SIAH1: variants seen among roughly 807,000 people sequenced by gnomAD.
SIAH1 encodes siah E3 ubiquitin protein ligase 1, also known as E3 ubiquitin-protein ligase SIAH1.
SIAH1 carries 2 observed loss-of-function variants against 20.0 expected under a neutral mutation model. That is an observed-to-expected ratio of 0.10 (90% confidence interval 0.04 to 0.31). The LOEUF (loss-of-function observed/expected upper bound fraction) is 0.31. Ranked by LOEUF, SIAH1 falls within the 10% of genes least tolerant of loss-of-function variation. The pLI is 1.00. For synonymous variants in SIAH1, 118 were observed against 125.3 expected (o/e 0.94, Z 0.39); for missense variants, 119 against 355.3 (o/e 0.33, Z 5.35).
chr16:48,386,376 G>A (rs146518981), upstream of SIAH1, among the ~76,000 whole-genome samples: 292 of 152,160 alleles, frequency 1.9e-3, 1 homozygote, highest in African/African-American at 6.7e-3. Context: ...GCGTGGTGGT[G>A]CACGCCTGTA....
Position 48,385,226 on chromosome 16 carries a change from G to A in SIAH1, c.-25C>T, listed in dbSNP as rs1278075721. ...TACCTGTGGGCGGAGAGCGCGCCTCGGACCCCGGTCCTGGCACCAACGCGC... is the reference window on the plus strand; with the variant it reads ...TACCTGTGGGCGGAGAGCGCGCCTCAGACCCCGGTCCTGGCACCAACGCGC... On this transcript the variant is annotated 5_prime_UTR_variant, in exon 1 of 2. Transcript: ENST00000394725. The A allele has an allele frequency of 3.1e-6, 1 of 326,740 alleles. No homozygotes were observed. The highest frequency in any genetic ancestry group is 2.0e-5 in the South Asian group (1 of 48,876). 20.2% of individuals were successfully genotyped at this position (326,740 alleles called of 1,614,324 possible).
At chr16:48,378,840 T>C (rs1187287490) in intron 1 of SIAH1, among the ~76,000 whole-genome samples, 1 of 152,218 alleles carries the variant, frequency 6.6e-6, no homozygotes, top group African/African-American at 2.4e-5. Flanking sequence ...TCTGGCTGCA[T>C]CTTCCATCTA....
chr16:48,361,484 C>T lies in SIAH1; in HGVS notation c.*96G>A. On this transcript the variant is annotated 3_prime_UTR_variant, in exon 2 of 2. Transcript: ENST00000394725. Reference sequence around the variant, plus strand: ...TTACCTTCATGTGTCTAGCTTCCACCTACCGAAAGAGTTTTAGGTTGGCAG... The same window carrying T: ...TTACCTTCATGTGTCTAGCTTCCACTTACCGAAAGAGTTTTAGGTTGGCAG... 8.0e-7 allele frequency: 1 copy of T among 1,256,852 alleles called. No individual in the cohort carries two copies. Among genetic ancestry groups the T allele is most frequent in the Non-Finnish European group, 1.1e-6 (1 of 873,388 alleles). 77.9% of individuals were successfully genotyped at this position (1,256,852 alleles called of 1,614,324 possible).
rs1416864758 is a variant in SIAH1 at position 48,361,779 on chromosome 16, T to C, written c.650A>G (p.Gln217Arg). The C allele has an allele frequency of 6.2e-7, 1 of 1,614,196 alleles. No homozygotes were observed. The highest frequency in any genetic ancestry group is 8.5e-7 in the Non-Finnish European group (1 of 1,180,030). Residue 217 changes from glutamine to arginine, a missense_variant, in exon 2 of 2, where the codon CAA becomes CGA. Coordinates refer to ENST00000394725, the MANE Select transcript of SIAH1 (RefSeq NM_003031.4). ...AIVQLIGTRK[Q>R]AENFAYRLEL... Reference sequence around the variant, plus strand: ...AAGTCGGTAAGCAAAATTTTCAGCTTGCTTGCGTGTTCCTATCAGCTGTAC... The same window carrying C: ...AAGTCGGTAAGCAAAATTTTCAGCTCGCTTGCGTGTTCCTATCAGCTGTAC...
In SIAH1 at chr16:48,361,773, T is replaced by G; in HGVS notation, c.656A>C (p.Glu219Ala). 1 of 1,614,202 alleles carries G rather than the reference T, an allele frequency of 6.2e-7. No homozygotes were observed. ...TAGCTCAAGTCGGTAAGCAAAATTT[T>G]CAGCTTGCTTGCGTGTTCCTATCAG... ...VQLIGTRKQA[E>A]NFAYRLELNG... The change falls in exon 2 of 2, where the codon GAA becomes GCA. Residue 219 changes from glutamate to alanine, a missense_variant. Glu to Ala is a moderately radical substitution (Grantham distance 107). Transcript: ENST00000394725.
Position 48,362,423 on chromosome 16 carries a change from G to C in SIAH1, c.6C>G (p.Ser2Arg), listed in dbSNP as rs201030436. M[S>R]RQTATALPTG... is the part of the protein sequence containing the mutation. ...TAGGTAATGCTGTAGCAGTCTGACGGCTCATTTCTGAAATAAATACATAAG... is the reference window on the plus strand; with the variant it reads ...TAGGTAATGCTGTAGCAGTCTGACGCCTCATTTCTGAAATAAATACATAAG... Residue 2 changes from serine to arginine, a missense_variant, in exon 2 of 2, where the codon AGC (serine) becomes AGG (arginine). Physicochemically the swap from Ser to Arg is moderately radical, Grantham distance 110. Transcript: ENST00000394725. The surrounding 1 kb of genome is among the most constrained non-coding windows in gnomAD (Gnocchi z 4.2). 2 of 1,613,894 alleles carry C rather than the reference G, an allele frequency of 1.2e-6. No individual in the cohort carries two copies. Among genetic ancestry groups the C allele is most frequent in the Non-Finnish European group, 8.5e-7 (1 of 1,179,912 alleles).
intron 1 of SIAH1, among the ~76,000 whole-genome samples, chr16:48,371,207 A>T (rs1267998271): frequency 1.3e-5 from 2 of 152,042 alleles, no homozygotes; most frequent in African/African-American, 4.8e-5. Flanking sequence ...GGTGAGCCCA[A>T]GAGGCTGTAC....
At chr16:48,378,382 G>C (rs1597031794) in intron 1 of SIAH1, among the ~76,000 whole-genome samples, 1 of 152,110 alleles carries the variant, frequency 6.6e-6, no homozygotes, top group Admixed American at 6.6e-5. Flanking sequence ...ACAAAAGAAT[G>C]AAAGAGTACA....
Position 48,376,226 on chromosome 16 carries a change from G to A in SIAH1, c.-3+8978C>T, listed in dbSNP as rs540996509. Among the ~76,000 whole-genome samples, 129 of 152,192 alleles carry A rather than the reference G, an allele frequency of 8.5e-4. 1 individual carries two copies. The highest frequency in any genetic ancestry group is 3.1e-3 in the African/African-American group (127 of 41,524). On this transcript the variant is annotated intron_variant, in intron 1 of 1. Transcript: ENST00000394725. ...GGAGGGATTTCGGTATCTCTCCAATGTTTCATAAAATTATTGGCAACAAAA... is the reference window on the plus strand; with the variant it reads ...GGAGGGATTTCGGTATCTCTCCAATATTTCATAAAATTATTGGCAACAAAA...
intron 1 of SIAH1, among the ~76,000 whole-genome samples, chr16:48,381,665 T>G (rs549569041): frequency 1.3e-5 from 2 of 152,280 alleles, no homozygotes; most frequent in South Asian, 4.1e-4. Flanking sequence ...AGGCTACATA[T>G]TTTAAAAGCC....
intron 1 of SIAH1, among the ~76,000 whole-genome samples, chr16:48,380,405 T>TGCC: frequency 1.3e-5 from 2 of 150,970 alleles, no homozygotes; most frequent in Admixed American, 1.3e-4. Flanking sequence ...GTTAGCTGAG[T>TGCC]TGGCGCCACC....
In SIAH1 at chr16:48,361,456, T is replaced by C; in HGVS notation, c.*124A>G. 1.1e-6 allele frequency: 1 copy of C among 884,354 alleles called. No individual in the cohort carries two copies. Among genetic ancestry groups the C allele is most frequent in the Non-Finnish European group, 1.8e-6 (1 of 564,916 alleles). The allele number at this position is 884,354 out of a possible 1,614,324, so 54.8% of individuals were successfully genotyped here. A position where few individuals can be genotyped will look rare whatever the true frequency, so the allele number is the denominator to read the frequency against. On this transcript the variant is annotated 3_prime_UTR_variant, in exon 2 of 2. Coordinates refer to ENST00000394725, the MANE Select transcript of SIAH1 (RefSeq NM_003031.4). ...TCCTGTATTTAACAGCCTTTCTTTT[T>C]ATTTACCTTCATGTGTCTAGCTTCC...
chr16:48,365,334 T>C (rs1597021872), intron 1 of SIAH1: 2 of 1,603,390 alleles, frequency 1.2e-6, no homozygotes, highest in East Asian at 2.2e-5. Context: ...TTCCACTGAC[T>C]AATAGCGTTC....
chr16:48,369,558 C>T (rs982162548), intron 1 of SIAH1, among the ~76,000 whole-genome samples: 5 of 151,684 alleles, frequency 3.3e-5, no homozygotes, highest in African/African-American at 9.7e-5. Context: ...AGGCAATATA[C>T]TGAGACCTCA....
chr16:48,374,933 A>G (rs921237777), intron 1 of SIAH1, among the ~76,000 whole-genome samples: 3 of 152,244 alleles, frequency 2.0e-5, no homozygotes, highest in Non-Finnish European at 4.4e-5. Flanking sequence ...AGTTAAAGTC[A>G]CAAACGGAAA....
chr16:48,381,615 C>T (rs950952676), intron 1 of SIAH1, among the ~76,000 whole-genome samples: 2 of 152,106 alleles, frequency 1.3e-5, no homozygotes, highest in Non-Finnish European at 2.9e-5. Context: ...GTGGAGGAAA[C>T]CTAAATGCAT....
intron 1 of SIAH1, among the ~76,000 whole-genome samples, chr16:48,375,967 G>A (rs1318290067): frequency 6.6e-6 from 1 of 152,160 alleles, no homozygotes; most frequent in Admixed American, 6.5e-5. Context: ...AAGAAACAGA[G>A]ACTGTCGGCA....
chr16:48,381,674 C>T lies in SIAH1; in HGVS notation c.-3+3530G>A, dbSNP rs145765831. ...GTGAAAAGGCTACATATTTTAAAAGCCCAGTTACACATATGACATTCTGGA... is the reference window on the plus strand; with the variant it reads ...GTGAAAAGGCTACATATTTTAAAAGTCCAGTTACACATATGACATTCTGGA... On this transcript the variant is annotated intron_variant, in intron 1 of 1. Coordinates refer to ENST00000394725, the MANE Select transcript of SIAH1 (RefSeq NM_003031.4). Among the ~76,000 whole-genome samples the T allele has an allele frequency of 1.4e-4, 21 of 152,184 alleles. No individual in the cohort carries two copies. In the East Asian group the frequency reaches 3.9e-3, roughly 28 times the overall value.
chr16:48,376,665 C>G (rs1387262314), intron 1 of SIAH1, among the ~76,000 whole-genome samples: 1 of 151,994 alleles, frequency 6.6e-6, no homozygotes, highest in Non-Finnish European at 1.5e-5. Flanking sequence ...CTGAAAATAT[C>G]TTAAACATTT....
Sources: allele counts gnomAD v4.1 joint callset (sites outside exome capture counted in the v4.1 genomes callset), GRCh38; gene constraint gnomAD v4.1.1; non-coding constraint Gnocchi (gnomAD v3.1); transcripts MANE v1.5; gene names NCBI Gene and HGNC (gene_info 2026-07-23, HGNC 2026-07-21).